PDK3: variants seen among roughly 807,000 people sequenced by gnomAD.
The protein encoded by PDK3 is pyruvate dehydrogenase kinase, isozyme 3.
A neutral mutation model predicts 32.0 loss-of-function variants in PDK3; 12 were observed. That is an observed-to-expected ratio of 0.37 (90% CI 0.24 to 0.61). The LOEUF (loss-of-function observed/expected upper bound fraction) is 0.61, where lower values mean the gene tolerates loss of function less well. Ranked by LOEUF, PDK3 falls within the 20% of genes least tolerant of loss-of-function variation. The pLI is 0.65. For synonymous variants in PDK3, 122 were observed against 116.3 expected, an observed-to-expected ratio of 1.05 and a Z score of -0.31; for missense variants, 188 against 316.9, an observed-to-expected ratio of 0.59 and a Z score of 3.09.
chrX:24,497,273 CTTTTA>C (rs1447881807), intron 2 of PDK3, among the ~76,000 whole-genome samples: 1 of 110,973 alleles, frequency 9.0e-6, no homozygotes, highest in African/African-American at 3.3e-5. Flanking sequence ...TGCCCAGAGA[CTTTTA>C]TTTATTTATT....
At chrX:24,526,096 A>C in intron 6 of PDK3, 102 bp from the exon 7 acceptor site, 5 of 581,643 alleles carry the variant, frequency 8.6e-6, no homozygotes, top group Non-Finnish European at 1.4e-5. Flanking sequence ...AGCCTTTTAT[A>C]GAGCTCTGTT....
At chrX:24,507,342 T>A (rs1228254286) in intron 5 of PDK3, among the ~76,000 whole-genome samples, 3 of 112,645 alleles carry the variant, frequency 2.7e-5, no homozygotes, top group Non-Finnish European at 5.6e-5. Context: ...CATCTTTCAG[T>A]ACTTTATTCC....
exon 12 of PDK3, chrX:24,546,950 C>T (rs1234055747): frequency 2.7e-5 from 3 of 112,672 alleles, no homozygotes; most frequent in Non-Finnish European, 5.6e-5. Context: ...CCTTAATATC[C>T]TTACAGTGTT....
chrX:24,526,084 T>C (rs1208175792), intron 6 of PDK3, 114 bp from the exon 7 acceptor site: 7 of 527,575 alleles, frequency 1.3e-5, no homozygotes, highest in Non-Finnish European at 2.2e-5. Flanking sequence ...GAAACTCAAA[T>C]TAGCCTTTTA....
chrX:24,507,314 G>A (rs992735108), intron 5 of PDK3, among the ~76,000 whole-genome samples: 1 of 112,357 alleles, frequency 8.9e-6, no homozygotes, highest in Admixed American at 9.4e-5. Context: ...ACATTTTCAA[G>A]GGTCATTGAT....
rs1921905355 is a variant in PDK3, at chrX:24,503,262, G to T, written c.321-65G>T. ...AGACAACTAGTCTGGGGACAGAGCT[G>T]GGAAGTCTGTGCATCAGCCCATGAG... On this transcript the variant is annotated intron_variant, in intron 3 of 10. Transcript: ENST00000379162. 3 of 751,140 alleles carry T rather than the reference G, an allele frequency of 4.0e-6. No individual in the cohort carries two copies. The African/African-American group carries it at 6.4e-5, about 16-fold the overall frequency. The allele number at this position is 751,140 out of a possible 1,213,427, so 61.9% of individuals were successfully genotyped here.
chrX:24,515,138 A>G (rs1037661053), intron 5 of PDK3, among the ~76,000 whole-genome samples: 1 of 112,608 alleles, frequency 8.9e-6, no homozygotes, highest in Non-Finnish European at 1.9e-5. Context: ...TGCATAGTAT[A>G]TATGTAATAC....
At chrX:24,487,367 T>C (rs1921427922) in intron 1 of PDK3, among the ~76,000 whole-genome samples, 1 of 111,911 alleles carries the variant, frequency 8.9e-6, no homozygotes, top group African/African-American at 3.3e-5. Context: ...CAACAGACAC[T>C]GTAAACTACT....
At chrX:24,481,943 C>G (rs937480371) in intron 1 of PDK3, among the ~76,000 whole-genome samples, 2 of 112,039 alleles carry the variant, frequency 1.8e-5, no homozygotes, top group Non-Finnish European at 1.9e-5. Flanking sequence ...AGAGACTATG[C>G]CAGTCATCAG....
chrX:24,502,557 G>A (rs1921884244), intron 3 of PDK3, among the ~76,000 whole-genome samples: 1 of 111,733 alleles, frequency 8.9e-6, no homozygotes, highest in Non-Finnish European at 1.9e-5. Flanking sequence ...TTACTGCTGC[G>A]AGATATTTAT....
At chrX:24,474,832 A>G (rs998784416) in intron 1 of PDK3, among the ~76,000 whole-genome samples, 2 of 112,201 alleles carry the variant, frequency 1.8e-5, no homozygotes, top group East Asian at 5.5e-4. Context: ...GATTTCTGTC[A>G]TAATCACACC....
exon 12 of PDK3, chrX:24,547,457 A>G (rs1354494178): frequency 8.9e-6 from 1 of 112,150 alleles, no homozygotes; most frequent in Non-Finnish European, 1.9e-5. Context: ...TAAGCACTTT[A>G]GTTAAGCAAA....
At chrX:24,549,558 C>G (rs761209834) in exon 12 of PDK3, 5 of 111,544 alleles carry the variant, frequency 4.5e-5, no homozygotes, top group Non-Finnish European at 5.6e-5. Context: ...CTGCTCTGTT[C>G]TCATTGTGAT....
chrX:24,540,447 C>A (rs1436509613), exon 12 of PDK3, among the ~76,000 whole-genome samples: 2 of 112,019 alleles, frequency 1.8e-5, no homozygotes, highest in Non-Finnish European at 3.8e-5. Flanking sequence ...AACCATTCAT[C>A]CTGCTTTAGT....
chrX:24,478,607 C>T (rs1306762491), intron 1 of PDK3, among the ~76,000 whole-genome samples: 2 of 112,209 alleles, frequency 1.8e-5, no homozygotes, highest in Non-Finnish European at 1.9e-5. Context: ...CTTCATATCC[C>T]TCAAGGAGAA....
chrX:24,480,056 G>C (rs1224961210), intron 1 of PDK3, among the ~76,000 whole-genome samples: 6 of 111,604 alleles, frequency 5.4e-5, no homozygotes, highest in Non-Finnish European at 7.5e-5. Flanking sequence ...ATTGGGCGCA[G>C]TGTGTGAGCA....
In PDK3 at chrX:24,496,568, C is replaced by CTTTTTTTTTTT. The variant is rs763095558; in HGVS notation, c.248+1698_248+1708dup. 2.5e-4 allele frequency among the ~76,000 whole-genome samples: 10 copies of CTTTTTTTTTTT among 39,322 alleles called. 1 individual carries two copies. The highest frequency in any genetic ancestry group is 7.8e-4 in the African/African-American group (7 of 8,998). The allele number at this position is 39,322 out of a possible 115,157, so 34.1% of individuals were successfully genotyped here. A position where few individuals can be genotyped will look rare whatever the true frequency, so the allele number is the denominator to read the frequency against. ...CTAATTGTCCTGATACTACCCCCAT[C>CTTTTTTTTTTT]TTTTTTTTTTTTTTTTTTTTTTTGC... On this transcript the variant is annotated intron_variant, in intron 2 of 10. Transcript: ENST00000379162.
Position 24,526,238 on chromosome X carries a change from C to T in PDK3, c.714C>T (p.Pro238=). Residue 238 remains proline, a synonymous_variant, in exon 7 of 11, where the codon CCC becomes CCT. Transcript: ENST00000379162. ...AACCTATTCAGGTGGTTTATGTGCC[C>T]TCACATCTGTTTCATATGCTATTTG... ...PDKPIQVVYV[P]SHLFHMLFEL... 1 of 1,203,440 alleles carries T rather than the reference C, an allele frequency of 8.3e-7. No individual in the cohort carries two copies. Among genetic ancestry groups the T allele is most frequent in the Non-Finnish European group, 1.1e-6 (1 of 888,134 alleles).
At chrX:24,479,283 T>G (rs1386003169) in intron 1 of PDK3, among the ~76,000 whole-genome samples, 1 of 112,525 alleles carries the variant, frequency 8.9e-6, no homozygotes, top group Admixed American at 9.4e-5. Flanking sequence ...TGTGAGCACT[T>G]TATTTGTAAT....
Sources: gnomAD v4.1 joint callset for allele counts (sites outside exome capture counted in the v4.1 genomes callset) on GRCh38, gnomAD v4.1.1 for gene constraint, MANE v1.5 for transcripts, NCBI Gene and HGNC (gene_info 2026-07-23, HGNC 2026-07-21) for gene names.